The following EPG5 variants were observed in gnomAD, a reference collection of about 807,000 sequenced individuals.
The protein encoded by EPG5 is ectopic P granules protein 5 homolog.
Under a neutral mutation model 302.7 loss-of-function variants are expected in EPG5, and 159 were observed. The ratio of observed to expected loss-of-function variants is 0.53; its 90% CI spans 0.46 to 0.60. The LOEUF (loss-of-function observed/expected upper bound fraction) is 0.60. Among genes scored for constraint, EPG5 ranks in the 20% least tolerant of loss-of-function variants. The pLI is 0.00. For synonymous variants in EPG5, 1,158 were observed against 1,136.8 expected (o/e 1.02, Z -0.37); for missense variants, 2,896 against 3,092.4 (o/e 0.94, Z 1.51).
At position 45,961,454 on chromosome 18, in the gene EPG5, C is replaced by G. The variant is rs529861448; in HGVS notation, c.63+5723G>C. ...TCCAAGGACAGGTCTGGCATGCCAC[C>G]GCCAGACAGCCTTTTCCTGGCTAGT... On this transcript the variant is annotated intron_variant, in intron 1 of 43. Coordinates refer to ENST00000282041, the MANE Select transcript of EPG5 (RefSeq NM_020964.3). Among the ~76,000 whole-genome samples the G allele has an allele frequency of 3.7e-4, 56 of 152,314 alleles. 1 individual carries two copies. The highest frequency in any genetic ancestry group is 6.8e-3 in the Middle Eastern group (2 of 294).
chr18:45,941,687 A>T (rs1474910818), intron 9 of EPG5, among the ~76,000 whole-genome samples: 1 of 152,224 alleles, frequency 6.6e-6, no homozygotes, highest in African/African-American at 2.4e-5. Context: ...AAAATAAGAA[A>T]TCACAGTCCT....
At position 45,936,568 on chromosome 18, in the gene EPG5, A is replaced by G. The variant is rs192715435; in HGVS notation, c.2100-1602T>C. ...TATAGTGAAACCCCATCTCTACTAA[A>G]AATATAAAAATTAGCCGGGCACGGT... is the stretch of plus-strand genomic sequence containing the variant. On this transcript the variant is annotated intron_variant, in intron 10 of 43. Coordinates refer to ENST00000282041, the MANE Select transcript of EPG5 (RefSeq NM_020964.3). 2.3e-3 allele frequency among the ~76,000 whole-genome samples: 356 copies of G among 152,104 alleles called. 2 individuals are homozygous for G. Among genetic ancestry groups the G allele is most frequent in the African/African-American group, 6.6e-3 (275 of 41,504 alleles).
chr18:45,948,167 G>T (rs147077482), intron 6 of EPG5, among the ~76,000 whole-genome samples: 2 of 152,040 alleles, frequency 1.3e-5, no homozygotes, highest in Non-Finnish European at 2.9e-5. Flanking sequence ...GCATAGCTTC[G>T]CAATTTAGCA....
the EPG5 span, among the ~76,000 whole-genome samples, chr18:45,831,597 C>G: frequency 2.6e-5 from 4 of 152,180 alleles, no homozygotes; most frequent in African/African-American, 7.2e-5. Flanking sequence ...ATGGTAAACT[C>G]TCAATAAATA....
At chr18:45,899,009 C>T (rs1178543713) in intron 27 of EPG5, among the ~76,000 whole-genome samples, 1 of 152,082 alleles carries the variant, frequency 6.6e-6, no homozygotes, top group Non-Finnish European at 1.5e-5. Flanking sequence ...CCTGTAATCC[C>T]AGCTACTCGG....
chr18:45,914,691 T>C (rs562948031), intron 20 of EPG5, among the ~76,000 whole-genome samples: 2 of 152,314 alleles, frequency 1.3e-5, no homozygotes, highest in East Asian at 1.9e-4. Flanking sequence ...AGAAACCAGA[T>C]TGAAACCCAG....
At position 45,934,796 on chromosome 18, in the gene EPG5, G is replaced by A. The variant is rs1022986578; in HGVS notation, c.2257+13C>T. 1.2e-5 allele frequency: 19 copies of A among 1,594,014 alleles called. No individual in the cohort carries two copies. The highest frequency in any genetic ancestry group is 3.4e-5 in the South Asian group (3 of 88,052). ...AGGGAGAGCTGGACGCCGACTGCTC[G>A]GCGGGGCTGTACCTTGGAGCTGCTG... On this transcript the variant is annotated intron_variant, in intron 11 of 43. Coordinates refer to ENST00000282041, the MANE Select transcript of EPG5 (RefSeq NM_020964.3).
Position 45,903,996 on chromosome 18 carries a change from A to G in EPG5, c.4451T>C (p.Leu1484Pro). ...HSTPCSLSVQ[L>P]DFTDPLLAKE... ...ACCCAGCAAAGGATCAGTGAAGTCC[A>G]GCTGCACGGACAAACTGCAGGGTGT... The change falls in exon 25 of 44, where the codon CTG becomes CCG. Residue 1484 changes from leucine (L) to proline (P), a missense_variant. Coordinates refer to ENST00000282041, the MANE Select transcript of EPG5 (RefSeq NM_020964.3). 1 of 1,612,036 alleles carries G rather than the reference A, an allele frequency of 6.2e-7. No individual in the cohort carries two copies. Among genetic ancestry groups the G allele is most frequent in the Non-Finnish European group, 8.5e-7 (1 of 1,179,690 alleles).
chr18:45,800,877 G>T, the EPG5 span, among the ~76,000 whole-genome samples: 1 of 152,196 alleles, frequency 6.6e-6, no homozygotes, highest in African/African-American at 2.4e-5. Context: ...CTTAAAAGGT[G>T]AGCGTCTTGA....
In EPG5 at chr18:45,922,568, T is replaced by C. The variant is rs1324095972; in HGVS notation, c.2871A>G (p.Gly957=). 2.5e-6 allele frequency: 4 copies of C among 1,614,090 alleles called. No homozygotes were observed. The highest frequency in any genetic ancestry group is 2.5e-6 in the Non-Finnish European group (3 of 1,180,056). ...GGTTAAATGAGGTCTCGGGTGTCTCTCCATATCGAACAATACTGGCCAAAT... is the reference window on the plus strand; with the variant it reads ...GGTTAAATGAGGTCTCGGGTGTCTCCCCATATCGAACAATACTGGCCAAAT... ...VSYLASIVRY[G]ETPETSFNQW... The change falls in exon 16 of 44, where the codon GGA becomes GGG. Residue 957 remains glycine, a synonymous_variant. Transcript: ENST00000282041.
At chr18:45,802,794 T>A in the EPG5 span, among the ~76,000 whole-genome samples, 4 of 152,254 alleles carry the variant, frequency 2.6e-5, no homozygotes, top group African/African-American at 9.6e-5. Context: ...TAAATAAAAG[T>A]GAACAGAAAA....
chr18:45,871,072 T>C (rs1173166930), intron 35 of EPG5, among the ~76,000 whole-genome samples: 2 of 152,234 alleles, frequency 1.3e-5, no homozygotes, highest in Non-Finnish European at 2.9e-5. Flanking sequence ...TTTACACATT[T>C]AGTGCTTCAT....
At chr18:45,923,050 C>T (rs912196397) in intron 15 of EPG5, among the ~76,000 whole-genome samples, 1 of 152,178 alleles carries the variant, frequency 6.6e-6, no homozygotes, top group African/African-American at 2.4e-5. Context: ...CACACCACTG[C>T]AGTTCAATTC....
chr18:45,923,911 C>T (rs1346975982), intron 14 of EPG5, among the ~76,000 whole-genome samples: 1 of 151,748 alleles, frequency 6.6e-6, no homozygotes, highest in Non-Finnish European at 1.5e-5. Context: ...GCCTGTAGTT[C>T]CAGCTACTTG....
At chr18:45,864,621 T>C (rs1377012593) in intron 39 of EPG5, among the ~76,000 whole-genome samples, 1 of 152,192 alleles carries the variant, frequency 6.6e-6, no homozygotes, top group Admixed American at 6.5e-5. Context: ...TTACTGTGAG[T>C]TTCTTGGAAC....
In EPG5 at chr18:45,849,836, T is replaced by C. The variant is rs2048402265; in HGVS notation, c.*2631A>G. ...TGCAGGAAGGAGCTTTGGAAACATG[T>C]ACAGGTGGGTCCCGAATCCACTGCT... On this transcript the variant is annotated 3_prime_UTR_variant, in exon 44 of 44. Coordinates refer to ENST00000282041, the MANE Select transcript of EPG5 (RefSeq NM_020964.3). 6.6e-6 allele frequency: 1 copy of C among 152,236 alleles called. No individual in the cohort carries two copies. The highest frequency in any genetic ancestry group is 2.4e-5 in the African/African-American group (1 of 41,454). The allele number at this position is 152,236 out of a possible 1,614,324, so 9.4% of individuals were successfully genotyped here.
At chr18:45,856,663 C>A (rs749062038) in intron 42 of EPG5, among the ~76,000 whole-genome samples, 3 of 152,180 alleles carry the variant, frequency 2.0e-5, no homozygotes, top group Non-Finnish European at 4.4e-5. Flanking sequence ...AAAAACATGA[C>A]GTTAACTGGT....
the EPG5 span, among the ~76,000 whole-genome samples, chr18:45,816,798 A>C: frequency 6.6e-6 from 1 of 152,196 alleles, no homozygotes; most frequent in African/African-American, 2.4e-5. Flanking sequence ...GTCATTATAC[A>C]AAAAAGATAC....
chr18:45,926,911 T>C (rs1443016869), intron 13 of EPG5, among the ~76,000 whole-genome samples: 2 of 152,104 alleles, frequency 1.3e-5, no homozygotes, highest in Non-Finnish European at 2.9e-5. Flanking sequence ...TACATTTCTC[T>C]GGAATTCATC....
Sources: gnomAD v4.1 joint callset for allele counts (sites outside exome capture counted in the v4.1 genomes callset) on GRCh38, gnomAD v4.1.1 for gene constraint, MANE v1.5 for transcripts, NCBI Gene and HGNC (gene_info 2026-07-23, HGNC 2026-07-21) for gene names.